The following AGPAT3 variants were observed in gnomAD, a reference collection of about 807,000 sequenced individuals.
AGPAT3 encodes 1-acyl-sn-glycerol-3-phosphate acyltransferase gamma.
AGPAT3 carries 5 observed loss-of-function variants against 47.3 expected under a neutral mutation model. The observed-to-expected ratio is 0.11, with a 90% confidence interval of 0.06 to 0.22. The LOEUF is 0.22. Among genes scored for constraint, AGPAT3 ranks in the 10% least tolerant of loss-of-function variants. The probability of loss-of-function intolerance (pLI) is 1.00; values close to 1 mark genes in which losing one functional copy is unlikely to be tolerated. For synonymous variants in AGPAT3, 212 were observed against 208.3 expected, an observed-to-expected ratio of 1.02 and a Z score of -0.15; for missense variants, 315 against 493.0, an observed-to-expected ratio of 0.64 and a Z score of 3.42.
Position 43,982,909 on chromosome 21 carries a change from GC to G in AGPAT3, c.*520del. ...TCCCAGTGGGGGCCCCGTGGAGGGC[GC>G]CCGTAGTGATAAGCACACCGGCACG... On this transcript the variant is annotated 3_prime_UTR_variant, in exon 10 of 10. Coordinates refer to ENST00000291572, the MANE Select transcript of AGPAT3 (RefSeq NM_020132.5). The surrounding 1 kb of genome is among the most constrained non-coding windows in gnomAD (Gnocchi z 6.2). The G allele has an allele frequency of 1.3e-5, 2 of 154,904 alleles. No individual in the cohort carries two copies. The highest frequency in any genetic ancestry group is 2.8e-5 in the Non-Finnish European group (2 of 70,188). The allele number at this position is 154,904 out of a possible 1,614,324, so 9.6% of individuals were successfully genotyped here.
intron 1 of AGPAT3, among the ~76,000 whole-genome samples, chr21:43,873,162 G>C (rs142636045): frequency 3.4e-4 from 52 of 152,282 alleles, no homozygotes; most frequent in African/African-American, 1.2e-3. Context: ...GACATGCTGA[G>C]GTGCTCATAG....
chr21:43,904,512 G>A (rs1055928879), intron 2 of AGPAT3, among the ~76,000 whole-genome samples: 3 of 152,152 alleles, frequency 2.0e-5, no homozygotes, highest in African/African-American at 4.8e-5. Context: ...GTTGCTGGAG[G>A]GTGCTCTGCT....
rs1376371932 is a variant in AGPAT3 at position 43,932,191 on chromosome 21, C to T, written c.-48-27443C>T. Among the ~76,000 whole-genome samples, 4 of 152,174 alleles carry T rather than the reference C, an allele frequency of 2.6e-5. No individual in the cohort carries two copies. Among genetic ancestry groups the T allele is most frequent in the Admixed American group, 6.5e-5 (1 of 15,270 alleles). On this transcript the variant is annotated intron_variant, in intron 2 of 9. Transcript: ENST00000291572. This position sits in a 1 kb window ranked among gnomAD's most constrained non-coding sequence, Gnocchi z 5.2. Reference sequence around the variant, plus strand: ...ATTGTTAACTGGTCGCCACGCAGCGCGGCCGATCACGAACACGTCCCTCCA... The same window carrying T: ...ATTGTTAACTGGTCGCCACGCAGCGTGGCCGATCACGAACACGTCCCTCCA...
At chr21:43,959,190 CGT>C (rs1436905947) in intron 2 of AGPAT3, among the ~76,000 whole-genome samples, 8 of 92,728 alleles carry the variant, frequency 8.6e-5, no homozygotes, top group Non-Finnish European at 1.5e-4. Context: ...GTGTGTGTGG[CGT>C]GTGTGGTGTG....
chr21:43,931,495 T>C (rs928690289), intron 2 of AGPAT3, among the ~76,000 whole-genome samples: 2 of 152,208 alleles, frequency 1.3e-5, no homozygotes, highest in Non-Finnish European at 2.9e-5. Context: ...TCAGGAGATA[T>C]TATATTCCTA....
intron 2 of AGPAT3, among the ~76,000 whole-genome samples, chr21:43,951,203 G>A (rs2088176229): frequency 6.6e-6 from 1 of 152,208 alleles, no homozygotes; most frequent in Non-Finnish European, 1.5e-5. Flanking sequence ...GCCCTTGGGT[G>A]CGGGGTGGGC....
At position 43,867,248 on chromosome 21, in the gene AGPAT3, G is replaced by A. The variant is rs1430036722; in HGVS notation, c.-112+1903G>A. On this transcript the variant is annotated intron_variant, in intron 1 of 9. Transcript: ENST00000291572. ...CTTGCCCGAGGTTGTGTCACGGAACGGCAGGGCCGCCTTTAGGCTTACATC... is the reference window on the plus strand; with the variant it reads ...CTTGCCCGAGGTTGTGTCACGGAACAGCAGGGCCGCCTTTAGGCTTACATC... 2.0e-5 allele frequency: 3 copies of A among 152,342 alleles called. No individual in the cohort carries two copies. In the East Asian group the frequency reaches 5.8e-4, roughly 29 times the overall value. The allele number at this position is 152,342 out of a possible 1,614,324, so 9.4% of individuals were successfully genotyped here.
chr21:43,872,692 C>T (rs2085647661), intron 1 of AGPAT3, among the ~76,000 whole-genome samples: 1 of 152,168 alleles, frequency 6.6e-6, no homozygotes, highest in Non-Finnish European at 1.5e-5. Context: ...ATTTTTCCTT[C>T]CTGTTTTGCT....
chr21:43,911,532 G>T (rs911008262), intron 2 of AGPAT3, among the ~76,000 whole-genome samples: 1 of 152,210 alleles, frequency 6.6e-6, no homozygotes, highest in Non-Finnish European at 1.5e-5. Flanking sequence ...ATGCCGCCTC[G>T]CTGGAAGGCA....
At chr21:43,895,746 T>G (rs1240767047) in intron 1 of AGPAT3, among the ~76,000 whole-genome samples, 1 of 151,836 alleles carries the variant, frequency 6.6e-6, no homozygotes, top group East Asian at 1.9e-4. Flanking sequence ...CCACCACACC[T>G]GGCTAATTTT....
chr21:43,944,456 T>C (rs2087793476), intron 2 of AGPAT3, among the ~76,000 whole-genome samples: 1 of 152,210 alleles, frequency 6.6e-6, no homozygotes, highest in Admixed American at 6.5e-5. Flanking sequence ...GCCTGTGTAC[T>C]CCAGGGCACT....
At chr21:43,866,698 C>T (rs1275689921) in intron 1 of AGPAT3, 1 of 152,254 alleles carries the variant, frequency 6.6e-6, no homozygotes, top group Non-Finnish European at 1.5e-5. Flanking sequence ...AGGACATTGT[C>T]TAAAAAGCAG....
At chr21:43,961,718 A>G (rs893372628) in intron 3 of AGPAT3, among the ~76,000 whole-genome samples, 1 of 151,072 alleles carries the variant, frequency 6.6e-6, no homozygotes, top group Non-Finnish European at 1.5e-5. Flanking sequence ...ACCCACATAC[A>G]CTTTGTCTCA....
chr21:43,975,347 GTGTGCTGGCATGTGTGTGGCA>G (rs1173659699), intron 7 of AGPAT3, among the ~76,000 whole-genome samples: 1 of 150,582 alleles, frequency 6.6e-6, no homozygotes, highest in Non-Finnish European at 1.5e-5. Context: ...ATGTTCTGGT[GTGTGCTGGCATGTGTGTGGCA>G]TGTGCTGGCA....
chr21:43,916,471 C>A (rs147271597), intron 2 of AGPAT3: 1 of 150,690 alleles, frequency 6.6e-6, no homozygotes, highest in Non-Finnish European at 1.5e-5. Flanking sequence ...TTAGTTTTAG[C>A]GTTATATTCC....
At chr21:43,911,665 G>A (rs2086635851) in intron 2 of AGPAT3, among the ~76,000 whole-genome samples, 1 of 152,240 alleles carries the variant, frequency 6.6e-6, no homozygotes, top group Non-Finnish European at 1.5e-5. Flanking sequence ...CCACTCTGGA[G>A]CTGCTGTGCT....
rs1336443516 is a variant in AGPAT3 at position 43,976,229 on chromosome 21, G to A, written c.768-1817G>A. 5.3e-5 allele frequency among the ~76,000 whole-genome samples: 8 copies of A among 152,224 alleles called. No homozygotes were observed. The South Asian group carries it at 1.2e-3, about 24-fold the overall frequency. ...TTACAGGCGCATTCCACCATGTCTGGCTAATTTTTGTAGTCTTAGTAGAGA... is the reference window on the plus strand; with the variant it reads ...TTACAGGCGCATTCCACCATGTCTGACTAATTTTTGTAGTCTTAGTAGAGA... On this transcript the variant is annotated intron_variant, in intron 7 of 9. Transcript: ENST00000291572.
Position 43,952,638 on chromosome 21 carries a change from C to T in AGPAT3, c.-48-6996C>T, listed in dbSNP as rs935618221. ...CCAAGATGTGCTGGCGCCAGGCTTC[C>T]GGGCAACCTAAATCTGTTGTTTAAT... is the stretch of plus-strand genomic sequence containing the variant. On this transcript the variant is annotated intron_variant, in intron 2 of 9. Coordinates refer to ENST00000291572, the MANE Select transcript of AGPAT3 (RefSeq NM_020132.5). This position sits in a 1 kb window ranked among gnomAD's most constrained non-coding sequence, Gnocchi z 5.6. Among the ~76,000 whole-genome samples the T allele has an allele frequency of 1.3e-5, 2 of 152,180 alleles. No individual in the cohort carries two copies. Among genetic ancestry groups the T allele is most frequent in the Admixed American group, 6.5e-5 (1 of 15,278 alleles).
At chr21:43,865,516 G>A (rs1403376908) in intron 1 of AGPAT3, among the ~76,000 whole-genome samples, 171 bp downstream of exon 1, 1 of 147,678 alleles carries the variant, frequency 6.8e-6, no homozygotes, top group African/African-American at 2.4e-5. Flanking sequence ...CGCGGGGCGC[G>A]GGGCCTGGGA....
Sources: allele counts gnomAD v4.1 joint callset (sites outside exome capture counted in the v4.1 genomes callset), GRCh38; gene constraint gnomAD v4.1.1; non-coding constraint Gnocchi (gnomAD v3.1); transcripts MANE v1.5; gene names NCBI Gene and HGNC (gene_info 2026-07-23, HGNC 2026-07-21).